CEP295: variants seen among roughly 807,000 people sequenced by gnomAD.
CEP295 encodes centrosomal protein of 295 kDa.
In CEP295, 190 loss-of-function variants were observed where a neutral mutation model predicts 291.6. That is an observed-to-expected ratio of 0.65 (90% CI 0.58 to 0.73). CEP295 has a LOEUF of 0.73. Ranked by LOEUF, CEP295 falls within the 30% of genes least tolerant of loss-of-function variation. The probability of loss-of-function intolerance (pLI) is 0.00; values close to 1 mark genes in which losing one functional copy is unlikely to be tolerated. For missense variants in CEP295, 2,863 were observed against 2,949.4 expected, an observed-to-expected ratio of 0.97 and a Z score of 0.68; for synonymous variants, 993 against 1,038.8, an observed-to-expected ratio of 0.96 and a Z score of 0.85.
intron 6 of CEP295, among the ~76,000 whole-genome samples, chr11:93,678,253 A>C (rs1430679212): frequency 6.6e-6 from 1 of 152,202 alleles, no homozygotes; most frequent in Non-Finnish European, 1.5e-5. Flanking sequence ...CTCAGAGGTT[A>C]TATTATTTAA....
Position 93,693,741 on chromosome 11 carries a change from C to T in CEP295, c.1533+1711C>T, listed in dbSNP as rs181340087. Among the ~76,000 whole-genome samples, 11 of 151,288 alleles carry T rather than the reference C, an allele frequency of 7.3e-5. No individual in the cohort carries two copies. The East Asian group carries it at 1.9e-3, about 27-fold the overall frequency. On this transcript the variant is annotated intron_variant, in intron 12 of 29. Transcript: ENST00000325212. Reference sequence around the variant, plus strand: ...ACTGCATTCGCCTGGGCGACAAGAGCGAAACTATCTCAAAAAAAAAGAAAA... The same window carrying T: ...ACTGCATTCGCCTGGGCGACAAGAGTGAAACTATCTCAAAAAAAAAGAAAA...
rs559199768 is a variant in CEP295, at chr11:93,667,775, A to G, written c.277A>G (p.Met93Val). The change falls in exon 3 of 30, where the codon ATG becomes GTG. Residue 93 changes from methionine to valine, a missense_variant. Met to Val is a conservative substitution (Grantham distance 21). Around this residue, in one of 3 missense-constraint regions of CEP295, gnomAD observed 554 missense variants for 576.0 expected, o/e 0.96. Coordinates refer to ENST00000325212, the MANE Select transcript of CEP295 (RefSeq NM_033395.2). ...ACTGTATTTGGCAAGTTTAAGAAGT[A>G]TGGGAGAGGGACATCGACAGGCCAA... is the stretch of plus-strand genomic sequence containing the variant. ...EKLYLASLRS[M>V]GEGHRQAKEN... 1.9e-6 allele frequency: 3 copies of G among 1,551,400 alleles called. No individual in the cohort carries two copies. The highest frequency in any genetic ancestry group is 4.9e-5 in the East Asian group (2 of 40,896).
At chr11:93,696,091 T>G (rs1591054685) in intron 13 of CEP295, among the ~76,000 whole-genome samples, 1 of 152,314 alleles carries the variant, frequency 6.6e-6, no homozygotes, top group South Asian at 2.1e-4. Flanking sequence ...TCAGTTTCTA[T>G]AGGATACTAA....
chr11:93,722,974 C>T (rs1953858612), intron 20 of CEP295, 67 bp from the exon 21 acceptor site: 10 of 1,345,350 alleles, frequency 7.4e-6, no homozygotes, highest in Middle Eastern at 1.9e-4. Flanking sequence ...TCCCAAAGTG[C>T]TGGTATTACA....
At chr11:93,673,813 A>T (rs143996510) in intron 5 of CEP295, among the ~76,000 whole-genome samples, 70 of 152,064 alleles carry the variant, frequency 4.6e-4, no homozygotes, top group African/African-American at 1.6e-3. Flanking sequence ...AACAATGCTA[A>T]TACTGGGCTC....
chr11:93,698,278 AAT>A lies in CEP295; in HGVS notation c.3367_3368del (p.Ile1123SerfsTer7). On this transcript the variant is annotated frameshift_variant, in exon 15 of 30. Coordinates refer to ENST00000325212, the MANE Select transcript of CEP295 (RefSeq NM_033395.2). LOFTEE classifies it high-confidence loss of function. ...QASAKAEPRR[I>X]QELYLSEKEN... ...CTTCTGCTAAAGCTGAGCCTAGGAG[AAT>A]TCAGGAGCTTTATTTATCTGAGAAG... 1 of 1,551,720 alleles carries A rather than the reference AAT, an allele frequency of 6.4e-7. No homozygotes were observed. The highest frequency in any genetic ancestry group is 8.7e-7 in the Non-Finnish European group (1 of 1,146,992).
At chr11:93,722,574 GA>G (rs1262194317) in intron 20 of CEP295, 2 of 160,300 alleles carry the variant, frequency 1.2e-5, no homozygotes, top group Non-Finnish European at 2.7e-5. Flanking sequence ...ATACTTTTGA[GA>G]AGCAGTTGCT....
chr11:93,730,179 TTTTC>T (rs1938250365), intron 29 of CEP295, 31 bp downstream of exon 29: 1 of 1,550,974 alleles, frequency 6.4e-7, no homozygotes, highest in African/African-American at 1.4e-5. Flanking sequence ...AGGACTTAAT[TTTTC>T]AAGCATGAAG....
intron 23 of CEP295, chr11:93,726,753 C>A: frequency 2.5e-6 from 1 of 403,184 alleles, no homozygotes; most frequent in Admixed American, 4.1e-5. Flanking sequence ...CCATATTGTC[C>A]TTATTAAATA....
Position 93,691,793 on chromosome 11 carries a change from A to G in CEP295, c.1429+18A>G. The G allele has an allele frequency of 6.8e-7, 1 of 1,466,254 alleles. No individual in the cohort carries two copies. Among genetic ancestry groups the G allele is most frequent in the Non-Finnish European group, 9.3e-7 (1 of 1,078,840 alleles). 90.8% of individuals were successfully genotyped at this position (1,466,254 alleles called of 1,614,324 possible). A position where few individuals can be genotyped will look rare whatever the true frequency, so the allele number is the denominator to read the frequency against. On this transcript the variant is annotated intron_variant, in intron 11 of 29. Transcript: ENST00000325212. ...AGAACAAGGTATTTCTTTTTATCAC[A>G]TCCTCAAATTAAATTTGACTCCTTG...
In CEP295 at chr11:93,698,551, A is replaced by G; in HGVS notation, c.3639A>G (p.Glu1213=). Residue 1213 remains glutamate (E), a synonymous_variant, in exon 15 of 30, where the codon GAA becomes GAG. Transcript: ENST00000325212. ...GTSSSLSQVD[E]SERFQECISI... is the part of the protein sequence containing the mutation. ...CCTCATCCCTTTCCCAGGTGGATGA[A>G]TCTGAGAGATTCCAGGAATGTATAT... 6.4e-7 allele frequency: 1 copy of G among 1,552,192 alleles called. No homozygotes were observed.
chr11:93,702,911 C>G lies in CEP295; in HGVS notation c.5588C>G (p.Ser1863Cys), dbSNP rs1026722342. ...EVESPAIGRT[S>C]ILGKPGIYED... ...GAGTCACCAGCAATTGGCAGAACTT[C>G]TATACTAGGTAAATAGATGCTTTGA... Residue 1863 changes from serine (S) to cysteine (C), a missense_variant, in exon 17 of 30, where the codon TCT becomes TGT. This residue lies in a region of CEP295 where 2,295 missense variants were observed against 2,335.7 expected (regional missense o/e 0.98). Transcript: ENST00000325212. 2.6e-6 allele frequency: 4 copies of G among 1,546,158 alleles called. No individual in the cohort carries two copies. The highest frequency in any genetic ancestry group is 2.8e-5 in the African/African-American group (2 of 72,724).
chr11:93,712,705 A>G (rs1452700490), intron 18 of CEP295, among the ~76,000 whole-genome samples: 3 of 151,982 alleles, frequency 2.0e-5, no homozygotes, highest in African/African-American at 7.3e-5. Context: ...TTGTTTTTTT[A>G]TCCATTCAGC....
chr11:93,668,778 C>G, intron 3 of CEP295, 30 bp from the exon 4 acceptor site: 2 of 1,438,734 alleles, frequency 1.4e-6, no homozygotes, highest in Non-Finnish European at 1.9e-6. Flanking sequence ...TCTTGTTTAA[C>G]ATGACATTTT....
At chr11:93,671,353 T>C (rs7103593) in intron 5 of CEP295, among the ~76,000 whole-genome samples, 3,053 of 152,244 alleles carry the variant, frequency 0.02, 109 homozygotes, top group African/African-American at 0.07. Context: ...CAATATTACA[T>C]AGTCAATTAT....
intron 25 of CEP295, chr11:93,729,157 G>A: frequency 2.0e-6 from 1 of 512,096 alleles, no homozygotes; most frequent in Admixed American, 3.5e-5. Context: ...TACTAGGGGA[G>A]TAGGGAGGCA....
chr11:93,680,668 CT>C (rs552307184), intron 7 of CEP295, among the ~76,000 whole-genome samples: 60 of 152,286 alleles, frequency 3.9e-4, no homozygotes, highest in African/African-American at 1.4e-3. Flanking sequence ...TAAATAGTGA[CT>C]GTCATCAATA....
At chr11:93,673,582 C>CCCAG (rs1950549142) in intron 5 of CEP295, among the ~76,000 whole-genome samples, 1 of 151,980 alleles carries the variant, frequency 6.6e-6, no homozygotes, top group South Asian at 2.1e-4. Context: ...CAACCTCTGC[C>CCCAG]TCCTGGGTTC....
intron 12 of CEP295, among the ~76,000 whole-genome samples, chr11:93,694,657 G>C (rs1224931179): frequency 6.6e-6 from 1 of 152,184 alleles, no homozygotes; most frequent in Non-Finnish European, 1.5e-5. Context: ...AAATGGCCTG[G>C]TCCAGTTTAC....
Sources: allele counts gnomAD v4.1 joint callset (sites outside exome capture counted in the v4.1 genomes callset), GRCh38; gene constraint gnomAD v4.1.1; regional missense constraint gnomAD v4.1.1; transcripts MANE v1.5; gene names NCBI Gene and HGNC (gene_info 2026-07-23, HGNC 2026-07-21).